UBL3: variants seen among roughly 807,000 people sequenced by gnomAD.
The protein encoded by UBL3 is ubiquitin-like protein 3.
In UBL3, 6 loss-of-function variants were observed where a neutral mutation model predicts 18.4. The ratio of observed to expected loss-of-function variants is 0.33; its 90% CI spans 0.18 to 0.64. The LOEUF (loss-of-function observed/expected upper bound fraction) is 0.64, where lower values mean the gene tolerates loss of function less well. Among genes scored for constraint, UBL3 ranks in the 30% least tolerant of loss-of-function variants. The pLI, the probability that UBL3 is intolerant of heterozygous loss-of-function variation, is 0.76. For synonymous variants in UBL3, 49 were observed against 46.6 expected, an observed-to-expected ratio of 1.05 and a Z score of -0.21; for missense variants, 109 against 142.9, an observed-to-expected ratio of 0.76 and a Z score of 1.21.
intron 1 of UBL3, among the ~76,000 whole-genome samples, chr13:29,794,923 A>G (rs1877570297): frequency 6.6e-6 from 1 of 152,236 alleles, no homozygotes; most frequent in Non-Finnish European, 1.5e-5. Context: ...TACAGGGAAG[A>G]ATTAAATGCA....
At chr13:29,780,222 C>T (rs1349493105) in intron 1 of UBL3, among the ~76,000 whole-genome samples, 10 of 150,806 alleles carry the variant, frequency 6.6e-5, no homozygotes, top group Non-Finnish European at 8.9e-5. Flanking sequence ...GGCATGGTGG[C>T]GGGCACCTGT....
intron 3 of UBL3, among the ~76,000 whole-genome samples, chr13:29,771,899 T>C (rs1876850027): frequency 6.6e-6 from 1 of 151,916 alleles, no homozygotes. Flanking sequence ...TGGGATAGAG[T>C]TTATTTCACA....
intron 1 of UBL3, among the ~76,000 whole-genome samples, chr13:29,843,586 T>C (rs980635374): frequency 6.6e-6 from 1 of 152,222 alleles, no homozygotes; most frequent in African/African-American, 2.4e-5. Context: ...TATCACCAAA[T>C]ACGCAAACAT....
intron 1 of UBL3, among the ~76,000 whole-genome samples, chr13:29,806,468 C>T (rs916597758): frequency 1.3e-5 from 2 of 152,234 alleles, no homozygotes; most frequent in Non-Finnish European, 2.9e-5. Context: ...ATATGCTCCC[C>T]TAAGAAGGAT....
At chr13:29,778,363 A>G (rs1160720981) in intron 1 of UBL3, among the ~76,000 whole-genome samples, 3 of 152,208 alleles carry the variant, frequency 2.0e-5, no homozygotes, top group Admixed American at 2.0e-4. Context: ...TTATTTTTAA[A>G]AAACACCATA....
intron 1 of UBL3, among the ~76,000 whole-genome samples, chr13:29,822,843 G>A (rs1418993001): frequency 2.0e-5 from 3 of 147,054 alleles, no homozygotes; most frequent in Non-Finnish European, 4.4e-5. Flanking sequence ...GCACACAAAA[G>A]GGCACATAAT....
chr13:29,835,411 C>G (rs982969911), intron 1 of UBL3, among the ~76,000 whole-genome samples: 1 of 151,138 alleles, frequency 6.6e-6, no homozygotes, highest in South Asian at 2.1e-4. Context: ...AGCAAAGACT[C>G]TGTGATGCAG....
chr13:29,842,215 C>A (rs1200050303), intron 1 of UBL3, among the ~76,000 whole-genome samples: 1 of 146,572 alleles, frequency 6.8e-6, no homozygotes, highest in South Asian at 2.1e-4. Context: ...AATCTCAGCT[C>A]ACTGCAACCT....
intron 1 of UBL3, among the ~76,000 whole-genome samples, chr13:29,800,078 T>C (rs1341152301): frequency 1.3e-5 from 2 of 152,254 alleles, no homozygotes; most frequent in South Asian, 2.1e-4. Context: ...CAAAAGTTTA[T>C]TTTAAAATCC....
chr13:29,839,746 T>A (rs1319854257), intron 1 of UBL3, among the ~76,000 whole-genome samples: 1 of 152,074 alleles, frequency 6.6e-6, no homozygotes, highest in Non-Finnish European at 1.5e-5. Flanking sequence ...GCTAACACGG[T>A]GAGACCCCGT....
At chr13:29,801,513 G>C (rs900388651) in intron 1 of UBL3, among the ~76,000 whole-genome samples, 1 of 152,114 alleles carries the variant, frequency 6.6e-6, no homozygotes, top group African/African-American at 2.4e-5. Flanking sequence ...AGCAAGCAGA[G>C]CCCCAAGCTT....
intron 1 of UBL3, among the ~76,000 whole-genome samples, chr13:29,815,955 T>C (rs989676680): frequency 3.9e-5 from 6 of 151,902 alleles, no homozygotes; most frequent in African/African-American, 1.5e-4. Context: ...AGTTTCTGCA[T>C]GGAGTCATCA....
chr13:29,840,083 A>T (rs1273413993), intron 1 of UBL3, among the ~76,000 whole-genome samples: 1 of 436 alleles, frequency 2.3e-3, no homozygotes, highest in Non-Finnish European at 5.1e-3. Context: ...AAAAAGTTAA[A>T]AACAACATTT....
chr13:29,805,094 T>A (rs1877867259), intron 1 of UBL3, among the ~76,000 whole-genome samples: 2 of 152,206 alleles, frequency 1.3e-5, no homozygotes, highest in Admixed American at 1.3e-4. Context: ...TGGGACCATT[T>A]AATTAAGCAA....
intron 1 of UBL3, among the ~76,000 whole-genome samples, chr13:29,844,413 C>T (rs1879181413): frequency 1.3e-5 from 2 of 152,148 alleles, no homozygotes; most frequent in Admixed American, 1.3e-4. Flanking sequence ...ATAGTTGTAG[C>T]TTATGCCTGT....
At position 29,777,299 on chromosome 13, in the gene UBL3, A is replaced by G. The variant is rs767394417; in HGVS notation, c.28-36T>C. On this transcript the variant is annotated intron_variant, in intron 1 of 4. Transcript: ENST00000380680. Reference sequence around the variant, plus strand: ...ACAATGATTCTTTTAACATAAATCTAAAAATTTTTTAAGTAAAAAAGAAGA... The same window carrying G: ...ACAATGATTCTTTTAACATAAATCTGAAAATTTTTTAAGTAAAAAAGAAGA... The G allele has an allele frequency of 6.5e-6, 10 of 1,537,150 alleles. 1 individual carries two copies. In the South Asian group the frequency reaches 1.1e-4, roughly 17 times the overall value.
chr13:29,811,505 G>C (rs1042356323), intron 1 of UBL3, among the ~76,000 whole-genome samples: 4 of 152,030 alleles, frequency 2.6e-5, no homozygotes, highest in African/African-American at 9.7e-5. Flanking sequence ...GGGGCTTCTA[G>C]GAAATTTAAT....
Position 29,850,283 on chromosome 13 carries a change from G to C in UBL3, c.-745C>G, listed in dbSNP as rs1175411056. The C allele has an allele frequency of 1.3e-5, 2 of 153,144 alleles. No homozygotes were observed. Among genetic ancestry groups the C allele is most frequent in the Non-Finnish European group, 1.5e-5 (1 of 68,256 alleles). 9.5% of individuals were successfully genotyped at this position (153,144 alleles called of 1,614,324 possible). A position where few individuals can be genotyped will look rare whatever the true frequency, so the allele number is the denominator to read the frequency against. Reference sequence around the variant, plus strand: ...GCCCCTCTGGGCTCAGGCCGCGGGCGCCTCCGGACAGCAGCTGGGGTCGGG... The same window carrying C: ...GCCCCTCTGGGCTCAGGCCGCGGGCCCCTCCGGACAGCAGCTGGGGTCGGG... On this transcript the variant is annotated 5_prime_UTR_variant, in exon 1 of 5. Transcript: ENST00000380680.
chr13:29,781,476 A>C (rs2139315811), intron 1 of UBL3, among the ~76,000 whole-genome samples: 1 of 152,304 alleles, frequency 6.6e-6, no homozygotes, highest in South Asian at 2.1e-4. Context: ...TAATATTTTA[A>C]AAAGTTAACG....
Sources: gnomAD v4.1 joint callset for allele counts (sites outside exome capture counted in the v4.1 genomes callset) on GRCh38, gnomAD v4.1.1 for gene constraint, MANE v1.5 for transcripts, NCBI Gene and HGNC (gene_info 2026-07-23, HGNC 2026-07-21) for gene names.